The following PFKFB3 variants were observed in gnomAD, a reference collection of about 807,000 sequenced individuals.
The protein encoded by PFKFB3 is 6-phosphofructo-2-kinase/fructose-2,6-biphosphatase 3, also known as 6-phosphofructo-2-kinase/fructose-2,6-bisphosphatase 3.
In PFKFB3, 33 loss-of-function variants were observed where a neutral mutation model predicts 68.0. The observed-to-expected ratio is 0.49, with a 90% CI of 0.37 to 0.65. The LOEUF (loss-of-function observed/expected upper bound fraction) is 0.65. Ranked by LOEUF, PFKFB3 falls within the 30% of genes least tolerant of loss-of-function variation. The pLI is 0.00. For missense variants in PFKFB3, 586 were observed against 712.2 expected (o/e 0.82, Z 2.02); for synonymous variants, 315 against 288.2 (o/e 1.09, Z -0.94).
chr10:6,228,096 G>A lies in PFKFB3; in HGVS notation c.1515+1731G>A. ...GGTGGCCAGGTTCTTAGGGACGTCT[G>A]AAGCTGCTGGCTGGGCCGGCGTGGG... On this transcript the variant is annotated intron_variant, in intron 14 of 14. Coordinates refer to ENST00000379775, the MANE Select transcript of PFKFB3 (RefSeq NM_004566.4). The surrounding 1 kb of genome is among the most constrained non-coding windows in gnomAD (Gnocchi z 4.5). 1 of 1,335,934 alleles carries A rather than the reference G, an allele frequency of 7.5e-7. No homozygotes were observed. The highest frequency in any genetic ancestry group is 1.1e-6 in the Non-Finnish European group (1 of 932,048). 82.8% of individuals were successfully genotyped at this position (1,335,934 alleles called of 1,614,324 possible).
At chr10:6,240,306 C>T (rs977333637), downstream of PFKFB3, among the ~76,000 whole-genome samples, 6 of 152,022 alleles carry the variant, frequency 3.9e-5, no homozygotes, top group Non-Finnish European at 5.9e-5. Flanking sequence ...GCTTTGTCCC[C>T]CAGGCTGGAC....
At chr10:6,286,645 T>C in the PFKFB3 span, among the ~76,000 whole-genome samples, 1 of 152,266 alleles carries the variant, frequency 6.6e-6, no homozygotes, top group Non-Finnish European at 1.5e-5. Flanking sequence ...CCCAAAGTGC[T>C]GGGTTTATAC....
At chr10:6,199,806 A>AT (rs1184963355), upstream of PFKFB3, among the ~76,000 whole-genome samples, 1 of 151,072 alleles carries the variant, frequency 6.6e-6, no homozygotes, top group Non-Finnish European at 1.5e-5. Context: ...GGCCAGGATC[A>AT]TTTTCAATAA....
At chr10:6,182,071 T>C (rs1842729096) in intron 1 of PFKFB3, among the ~76,000 whole-genome samples, 1 of 152,196 alleles carries the variant, frequency 6.6e-6, no homozygotes, top group Non-Finnish European at 1.5e-5. Flanking sequence ...CAATTTTATG[T>C]ATGTTTTGCT....
rs1843445730 is a variant in PFKFB3, at chr10:6,203,165, C to A, written c.-96C>A. 6.5e-7 allele frequency: 1 copy of A among 1,531,044 alleles called. No individual in the cohort carries two copies. Among genetic ancestry groups the A allele is most frequent in the East Asian group, 2.5e-5 (1 of 39,542 alleles). The allele number at this position is 1,531,044 out of a possible 1,614,324, so 94.8% of individuals were successfully genotyped here. ...GCCCGGCCGCGCGCCGGCGCACGCC[C>A]CCCTCTCCTCCTTTGTTCCGGGGGT... On this transcript the variant is annotated 5_prime_UTR_variant, in exon 1 of 15. Coordinates refer to ENST00000379775, the MANE Select transcript of PFKFB3 (RefSeq NM_004566.4).
chr10:6,321,235 T>C, the PFKFB3 span, among the ~76,000 whole-genome samples: 1 of 152,182 alleles, frequency 6.6e-6, no homozygotes, highest in African/African-American at 2.4e-5. Context: ...CGAAACTTTT[T>C]GTTTTGCAAA....
intron 1 of PFKFB3, among the ~76,000 whole-genome samples, chr10:6,192,705 G>GTA (rs1343108550): frequency 6.9e-5 from 10 of 145,884 alleles, no homozygotes; most frequent in African/African-American, 2.6e-4. Context: ...GTGTGTGTGT[G>GTA]TGTGTGTTGG....
the PFKFB3 span, among the ~76,000 whole-genome samples, chr10:6,313,085 A>T: frequency 6.6e-6 from 1 of 152,242 alleles, no homozygotes; most frequent in Non-Finnish European, 1.5e-5. The surrounding 1 kb of genome is among the most constrained non-coding windows in gnomAD (Gnocchi z 4.2). Context: ...GAAATCTCTT[A>T]CTAAATGTGA....
At chr10:6,297,803 G>A in the PFKFB3 span, among the ~76,000 whole-genome samples, 8 of 152,092 alleles carry the variant, frequency 5.3e-5, no homozygotes, top group African/African-American at 1.9e-4. Context: ...TCCCAGAAGG[G>A]TCCTCTTTCC....
In PFKFB3 at chr10:6,154,470, A is replaced by G. The variant is rs1386487946; in HGVS notation, c.16+9457A>G. Among the ~76,000 whole-genome samples, 7 of 150,758 alleles carry G rather than the reference A, an allele frequency of 4.6e-5. No homozygotes were observed. The highest frequency in any genetic ancestry group is 4.6e-4 in the Admixed American group (7 of 15,122). On this transcript the variant is annotated intron_variant, in intron 1 of 14. Coordinates refer to the PFKFB3 transcript ENST00000379789. The surrounding 1 kb of genome is among the most constrained non-coding windows in gnomAD (Gnocchi z 4.6). ...ACCACGTTGGTCAGGCTGGTCTTGA[A>G]CTCCTGAGTTCAAGTGATTTGCCCG...
At chr10:6,248,672 T>TGTTTCTCAAAAGAA (rs1288202848) in intron 14 of PFKFB3, among the ~76,000 whole-genome samples, 4 of 142,908 alleles carry the variant, frequency 2.8e-5, no homozygotes, top group Non-Finnish European at 6.1e-5. Context: ...TCTGAATAGA[T>TGTTTCTCAAAAGAA]GTTTCTCAAA....
chr10:6,292,278 C>CTTTTTT, the PFKFB3 span, among the ~76,000 whole-genome samples: 33 of 54,302 alleles, frequency 6.1e-4, no homozygotes, highest in East Asian at 2.1e-3. Flanking sequence ...TTTTTTTTTT[C>CTTTTTT]TTTTTTTTTT....
chr10:6,191,964 G>T (rs1323328331), intron 1 of PFKFB3, among the ~76,000 whole-genome samples: 1 of 151,846 alleles, frequency 6.6e-6, no homozygotes, highest in Non-Finnish European at 1.5e-5. Flanking sequence ...GACCAAATTG[G>T]ATATGAGCAA....
the PFKFB3 span, among the ~76,000 whole-genome samples, chr10:6,266,263 T>C: frequency 1.3e-5 from 2 of 152,228 alleles, no homozygotes; most frequent in South Asian, 4.1e-4. Flanking sequence ...TTATAATCCA[T>C]AGTGTCCTTA....
At chr10:6,254,583 C>T in exon 15 of PFKFB3, 1 of 376,062 alleles carries the variant, frequency 2.7e-6, no homozygotes. Context: ...GCTTCGAGTT[C>T]CCATACAACC....
rs1454122984 is a variant in PFKFB3, at chr10:6,177,408, C to CTTTG, written c.16+32397_16+32398insTGTT. 4.9e-4 allele frequency among the ~76,000 whole-genome samples: 26 copies of CTTTG among 52,624 alleles called. 1 individual carries two copies. The East Asian group carries it at 5.5e-3, about 11-fold the overall frequency. 34.5% of individuals were successfully genotyped at this position (52,624 alleles called of 152,430 possible). A position where few individuals can be genotyped will look rare whatever the true frequency, so the allele number is the denominator to read the frequency against. Reference sequence around the variant, plus strand: ...TCTTTCTTTCTTTCTTTCTTTCTTTCTTCTTTCTCTTTCTTCCTTTCTTTT... The same window carrying CTTTG: ...TCTTTCTTTCTTTCTTTCTTTCTTTCTTTGTTCTTTCTCTTTCTTCCTTTCTTTT... On this transcript the variant is annotated intron_variant, in intron 1 of 14. Coordinates refer to the PFKFB3 transcript ENST00000379789.
At chr10:6,274,721 G>A in the PFKFB3 span, among the ~76,000 whole-genome samples, 1 of 152,026 alleles carries the variant, frequency 6.6e-6, no homozygotes, top group Non-Finnish European at 1.5e-5. Flanking sequence ...CCTATAGTCC[G>A]AGCAACTTGG....
At chr10:6,225,396 C>T (rs1222916621) in intron 13 of PFKFB3, 1 of 364,540 alleles carries the variant, frequency 2.7e-6, no homozygotes, top group Non-Finnish European at 5.5e-6. Context: ...GTCACCCCCT[C>T]CACTTCGGAA....
intron 1 of PFKFB3, among the ~76,000 whole-genome samples, chr10:6,196,191 G>A (rs1310695392): frequency 6.6e-6 from 1 of 151,338 alleles, no homozygotes; most frequent in Non-Finnish European, 1.5e-5. Flanking sequence ...GAGTGCACTG[G>A]TGCAATCACA....
Sources: gnomAD v4.1 joint callset for allele counts (sites outside exome capture counted in the v4.1 genomes callset) on GRCh38, gnomAD v4.1.1 for gene constraint, Gnocchi (gnomAD v3.1) non-coding constraint, MANE v1.5 for transcripts, NCBI Gene and HGNC (gene_info 2026-07-23, HGNC 2026-07-21) for gene names.